RHBDD1: variants seen among roughly 807,000 people sequenced by gnomAD.
RHBDD1 encodes rhomboid-related protein 4.
A neutral mutation model predicts 36.3 loss-of-function variants in RHBDD1; 38 were observed. The ratio of observed to expected loss-of-function variants is 1.05; its 90% confidence interval spans 0.81 to 1.37. The LOEUF (loss-of-function observed/expected upper bound fraction) is 1.37. Among genes scored for constraint, RHBDD1 ranks in the 40% most tolerant of loss-of-function variants. The probability of loss-of-function intolerance (pLI) is 0.00; values close to 1 mark genes in which losing one functional copy is unlikely to be tolerated. For synonymous variants in RHBDD1, 151 were observed against 136.5 expected, an observed-to-expected ratio of 1.11 and a Z score of -0.74; for missense variants, 393 against 377.6, an observed-to-expected ratio of 1.04 and a Z score of -0.34.
chr2:226,932,239 A>G (rs79454358), intron 8 of RHBDD1, among the ~76,000 whole-genome samples: 1 of 152,122 alleles, frequency 6.6e-6, no homozygotes, highest in African/African-American at 2.4e-5. Context: ...GCTGTATTAC[A>G]CTTCATCCTG....
At chr2:226,931,813 G>T (rs1021558326) in intron 8 of RHBDD1, among the ~76,000 whole-genome samples, 11 of 151,400 alleles carry the variant, frequency 7.3e-5, no homozygotes, top group African/African-American at 2.7e-4. Flanking sequence ...ATTACTTTGG[G>T]TATTCTAGAT....
the RHBDD1 span, among the ~76,000 whole-genome samples, chr2:226,813,577 T>G: frequency 6.6e-6 from 1 of 152,250 alleles, no homozygotes; most frequent in Non-Finnish European, 1.5e-5. Flanking sequence ...GGCTTAGGTC[T>G]GCACTGCCTT....
At chr2:226,985,212 A>G (rs1371939786) in intron 8 of RHBDD1, among the ~76,000 whole-genome samples, 1 of 152,218 alleles carries the variant, frequency 6.6e-6, no homozygotes, top group African/African-American at 2.4e-5. Context: ...GAAATTCAGG[A>G]TTAGAACTGG....
Position 226,995,571 on chromosome 2 carries a change from T to C in RHBDD1, c.*49T>C. On this transcript the variant is annotated 3_prime_UTR_variant, in exon 9 of 9. Transcript: ENST00000392062. ...CCTATTCGTGTAATTATTGCCCATT[T>C]GGCTCATTCCCCAAGCCCCTAATTC... 1 of 1,260,170 alleles carries C rather than the reference T, an allele frequency of 7.9e-7. No individual in the cohort carries two copies. The highest frequency in any genetic ancestry group is 1.5e-5 in the African/African-American group (1 of 67,992). The allele number at this position is 1,260,170 out of a possible 1,614,324, so 78.1% of individuals were successfully genotyped here. A position where few individuals can be genotyped will look rare whatever the true frequency, so the allele number is the denominator to read the frequency against.
intron 8 of RHBDD1, among the ~76,000 whole-genome samples, chr2:226,982,462 A>G (rs1280669292): frequency 6.6e-6 from 1 of 152,216 alleles, no homozygotes; most frequent in African/African-American, 2.4e-5. Flanking sequence ...AAAAGTAAAG[A>G]TAAGTTGAAC....
At chr2:226,875,434 G>T (rs559116960) in intron 5 of RHBDD1, among the ~76,000 whole-genome samples, 1 of 152,230 alleles carries the variant, frequency 6.6e-6, no homozygotes, top group South Asian at 2.1e-4. Context: ...TCCCTCATGT[G>T]CCTGTGCTTT....
chr2:226,849,651 G>A (rs1471406395), intron 3 of RHBDD1, among the ~76,000 whole-genome samples: 1 of 152,244 alleles, frequency 6.6e-6, no homozygotes, highest in Non-Finnish European at 1.5e-5. Flanking sequence ...ACACAGCAAC[G>A]ACAGAGAGTC....
intron 8 of RHBDD1, among the ~76,000 whole-genome samples, chr2:226,957,214 T>A (rs2149249154): frequency 6.6e-6 from 1 of 152,338 alleles, no homozygotes; most frequent in East Asian, 1.9e-4. Flanking sequence ...GGCTTGCTAC[T>A]ACTGACAGTG....
intron 6 of RHBDD1, among the ~76,000 whole-genome samples, chr2:226,907,891 A>G (rs1486956474): frequency 6.6e-6 from 1 of 152,174 alleles, no homozygotes; most frequent in East Asian, 1.9e-4. Flanking sequence ...ACAATTTAAT[A>G]CTCATTAGTA....
At chr2:226,848,902 A>G (rs889923847) in intron 3 of RHBDD1, among the ~76,000 whole-genome samples, 1 of 152,232 alleles carries the variant, frequency 6.6e-6, no homozygotes, top group African/African-American at 2.4e-5. Flanking sequence ...GTAAAGTTTG[A>G]GAGCAGTTCT....
intron 8 of RHBDD1, among the ~76,000 whole-genome samples, chr2:226,918,340 T>C (rs1262115436): frequency 1.3e-5 from 2 of 152,022 alleles, no homozygotes; most frequent in African/African-American, 4.8e-5. Flanking sequence ...CCAGTTCTAC[T>C]CTTTTAGTTA....
intron 8 of RHBDD1, among the ~76,000 whole-genome samples, chr2:226,919,324 A>G (rs1352890510): frequency 6.6e-6 from 1 of 151,934 alleles, no homozygotes; most frequent in Admixed American, 6.6e-5. Context: ...GGCTTTTAAC[A>G]TGGTGTGATC....
At chr2:226,940,642 A>T (rs374476608) in intron 8 of RHBDD1, among the ~76,000 whole-genome samples, 3 of 152,188 alleles carry the variant, frequency 2.0e-5, no homozygotes, top group African/African-American at 7.2e-5. Flanking sequence ...TCTAAAGTAG[A>T]TAGATGATGG....
the RHBDD1 span, among the ~76,000 whole-genome samples, chr2:226,827,077 G>A: frequency 6.6e-6 from 1 of 152,090 alleles, no homozygotes; most frequent in Non-Finnish European, 1.5e-5. Flanking sequence ...TCCCACCTCA[G>A]CCTCTTAGTA....
the RHBDD1 span, among the ~76,000 whole-genome samples, chr2:226,830,198 G>A: frequency 1.3e-5 from 2 of 152,148 alleles, no homozygotes; most frequent in Non-Finnish European, 2.9e-5. Flanking sequence ...CTTTGGGAAG[G>A]AATTAGGTCA....
the RHBDD1 span, among the ~76,000 whole-genome samples, chr2:226,824,792 G>C: frequency 1.7e-4 from 26 of 152,132 alleles, no homozygotes; most frequent in African/African-American, 6.3e-4. Context: ...ATCCTGCCTT[G>C]TATACATGGT....
At chr2:226,831,758 A>G (rs898717299), upstream of RHBDD1, among the ~76,000 whole-genome samples, 1 of 150,550 alleles carries the variant, frequency 6.6e-6, no homozygotes, top group African/African-American at 2.4e-5. Context: ...TGGATTTTCT[A>G]TTGAGCCAGT....
chr2:226,829,529 TTAAG>T, the RHBDD1 span, among the ~76,000 whole-genome samples: 14 of 152,214 alleles, frequency 9.2e-5, no homozygotes, highest in African/African-American at 2.9e-4. Flanking sequence ...CTCAGCCCCA[TTAAG>T]TATTTTTCAG....
intron 8 of RHBDD1, among the ~76,000 whole-genome samples, chr2:226,937,865 C>A (rs1251189244): frequency 1.3e-5 from 2 of 152,064 alleles, no homozygotes; most frequent in Non-Finnish European, 2.9e-5. Flanking sequence ...GGGTTGATAC[C>A]ATGTCTTTCC....
Sources: allele counts gnomAD v4.1 joint callset (sites outside exome capture counted in the v4.1 genomes callset), GRCh38; gene constraint gnomAD v4.1.1; transcripts MANE v1.5; gene names NCBI Gene and HGNC (gene_info 2026-07-23, HGNC 2026-07-21).